Variants in SUCLG2 observed in about 807,000 individuals in gnomAD.
The protein encoded by SUCLG2 is succinate--CoA ligase [GDP-forming] subunit beta, mitochondrial.
SUCLG2 carries 42 observed loss-of-function variants against 47.9 expected under a neutral mutation model. The observed-to-expected ratio is 0.88, with a 90% CI of 0.69 to 1.14. The LOEUF (loss-of-function observed/expected upper bound fraction) is 1.14, where lower values mean the gene tolerates loss of function less well. Among genes scored for constraint, SUCLG2 ranks in the 50% most tolerant of loss-of-function variants. The pLI is 0.00. For missense variants in SUCLG2, 571 were observed against 525.9 expected (o/e 1.09, Z -0.84); for synonymous variants, 195 against 197.3 (o/e 0.99, Z 0.10).
intron 2 of SUCLG2, among the ~76,000 whole-genome samples, chr3:67,534,335 G>C (rs992204449): frequency 6.6e-6 from 1 of 152,004 alleles, no homozygotes; most frequent in East Asian, 1.9e-4. Flanking sequence ...AACAAAAAAT[G>C]TATTTATGCT....
At chr3:67,578,315 A>C (rs902078916) in intron 2 of SUCLG2, among the ~76,000 whole-genome samples, 2 of 148,868 alleles carry the variant, frequency 1.3e-5, no homozygotes, top group East Asian at 3.9e-4. Flanking sequence ...CATATATATG[A>C]TTTTAAAGCC....
intron 9 of SUCLG2, among the ~76,000 whole-genome samples, chr3:67,428,065 G>A (rs965800528): frequency 3.3e-5 from 5 of 152,188 alleles, no homozygotes; most frequent in African/African-American, 1.2e-4. Context: ...AAAGGCAGCA[G>A]GAACTTCTGG....
At chr3:67,424,000 A>G (rs1202461410) in intron 9 of SUCLG2, among the ~76,000 whole-genome samples, 3 of 152,160 alleles carry the variant, frequency 2.0e-5, no homozygotes, top group African/African-American at 7.2e-5. Context: ...TTGGTGGAAA[A>G]TCAAAACTGC....
intron 1 of SUCLG2, among the ~76,000 whole-genome samples, chr3:67,631,496 A>C (rs1233066366): frequency 6.6e-6 from 1 of 152,062 alleles, no homozygotes; most frequent in African/African-American, 2.4e-5. Flanking sequence ...GGCGTGGTGG[A>C]TACGCCTGTA....
intron 1 of SUCLG2, among the ~76,000 whole-genome samples, chr3:67,636,513 C>T (rs1042156197): frequency 3.9e-5 from 6 of 152,032 alleles, no homozygotes; most frequent in South Asian, 2.1e-4. Context: ...CCACTGCACC[C>T]GGCTAATTTT....
At chr3:67,538,360 T>C (rs1706604254) in intron 2 of SUCLG2, among the ~76,000 whole-genome samples, 1 of 152,210 alleles carries the variant, frequency 6.6e-6, no homozygotes, top group Non-Finnish European at 1.5e-5. Flanking sequence ...GTCAGGTTTG[T>C]CAAAAATCAG....
intron 1 of SUCLG2, among the ~76,000 whole-genome samples, chr3:67,631,201 T>C (rs1559604936): frequency 6.6e-6 from 1 of 152,124 alleles, no homozygotes. Flanking sequence ...ATGATAAGGC[T>C]CTCTGACTCT....
intron 10 of SUCLG2, among the ~76,000 whole-genome samples, chr3:67,400,320 G>T (rs79872266): frequency 0.071 from 10,731 of 151,670 alleles, 392 homozygotes; most frequent in Middle Eastern, 0.14. Context: ...AGTAATTTCA[G>T]TTATCAAATT....
At chr3:67,602,508 G>T (rs934110516) in intron 2 of SUCLG2, among the ~76,000 whole-genome samples, 15 of 152,088 alleles carry the variant, frequency 9.9e-5, no homozygotes, top group African/African-American at 3.6e-4. Context: ...CTAGCACAGA[G>T]AAATTCTAAG....
At chr3:67,404,176 G>C (rs146703070) in intron 9 of SUCLG2, among the ~76,000 whole-genome samples, 148 of 152,292 alleles carry the variant, frequency 9.7e-4, no homozygotes, top group African/African-American at 3.5e-3. Flanking sequence ...GAGCCACCGT[G>C]CCTGGCCTCT....
chr3:67,545,422 A>AT (rs1310573367), intron 2 of SUCLG2, among the ~76,000 whole-genome samples: 4 of 152,354 alleles, frequency 2.6e-5, no homozygotes, highest in African/African-American at 9.6e-5. Context: ...GAGGTCCAGC[A>AT]TAACTGTTAT....
rs147127141 is a variant in SUCLG2, at chr3:67,489,529, A to G, written c.1062+6269T>C. Among the ~76,000 whole-genome samples the G allele has an allele frequency of 4.7e-3, 713 of 152,336 alleles. 5 individuals are homozygous for G. Among genetic ancestry groups the G allele is most frequent in the African/African-American group, 0.016 (670 of 41,562 alleles). ...CTGGAATTTTAATCTTTTCCACTCTATATGAAAAAAATACATATTTTCAAG... is the reference window on the plus strand; with the variant it reads ...CTGGAATTTTAATCTTTTCCACTCTGTATGAAAAAAATACATATTTTCAAG... On this transcript the variant is annotated intron_variant, in intron 9 of 10. Transcript: ENST00000307227.
At chr3:67,468,869 A>G (rs1559537761) in intron 9 of SUCLG2, among the ~76,000 whole-genome samples, 1 of 152,358 alleles carries the variant, frequency 6.6e-6, no homozygotes. Flanking sequence ...ATACAAAATT[A>G]CCTGTATGAC....
intron 6 of SUCLG2, among the ~76,000 whole-genome samples, chr3:67,511,408 A>C (rs1303682794): frequency 6.6e-6 from 1 of 152,124 alleles, no homozygotes; most frequent in Non-Finnish European, 1.5e-5. Context: ...ACCCAGTGGG[A>C]GGTAACTGAA....
chr3:67,480,215 T>TTA (rs1704876674), intron 9 of SUCLG2, among the ~76,000 whole-genome samples: 1 of 152,092 alleles, frequency 6.6e-6, no homozygotes, highest in Non-Finnish European at 1.5e-5. Context: ...AACTCTAATT[T>TTA]AAGGGGTTAA....
At chr3:67,474,426 G>C (rs1240941096) in intron 9 of SUCLG2, among the ~76,000 whole-genome samples, 2 of 152,106 alleles carry the variant, frequency 1.3e-5, no homozygotes, top group African/African-American at 4.8e-5. Flanking sequence ...TCATTCTATA[G>C]ATTTCTGTGG....
intron 10 of SUCLG2, among the ~76,000 whole-genome samples, chr3:67,386,419 A>C (rs1263834444): frequency 6.6e-6 from 1 of 152,118 alleles, no homozygotes; most frequent in Non-Finnish European, 1.5e-5. Flanking sequence ...TACTATACTC[A>C]AGCAGCCCCA....
intron 1 of SUCLG2, 107 bp downstream of exon 1, chr3:67,654,396 G>C: frequency 9.5e-6 from 9 of 949,738 alleles, no homozygotes; most frequent in Non-Finnish European, 1.2e-5. Flanking sequence ...GGGCGCCCGA[G>C]GGGCCGCGCA....
At chr3:67,520,442 ACAAT>A (rs1488816118) in intron 5 of SUCLG2, 36 bp downstream of exon 5, 5 of 1,613,432 alleles carry the variant, frequency 3.1e-6, no homozygotes, top group African/African-American at 1.3e-5. Flanking sequence ...TTCTACAATA[ACAAT>A]CAATTAATAG....
Sources: allele counts gnomAD v4.1 joint callset (sites outside exome capture counted in the v4.1 genomes callset), GRCh38; gene constraint gnomAD v4.1.1; transcripts MANE v1.5; gene names NCBI Gene and HGNC (gene_info 2026-07-23, HGNC 2026-07-21).